Variants in PLCB4 observed in about 807,000 individuals in gnomAD.
The protein encoded by PLCB4 is phospholipase C beta 4.
PLCB4 carries 77 observed loss-of-function variants against 178.8 expected under a neutral mutation model. The observed-to-expected ratio is 0.43, with a 90% confidence interval of 0.36 to 0.52. The LOEUF (loss-of-function observed/expected upper bound fraction) is 0.52. Ranked by LOEUF, PLCB4 falls within the 20% of genes least tolerant of loss-of-function variation. PLCB4 has a pLI of 0.00. For synonymous variants in PLCB4, 496 were observed against 490.8 expected (o/e 1.01, Z -0.14); for missense variants, 1,024 against 1,453.4 (o/e 0.70, Z 4.80).
chr20:9,419,999 G>A, intron 26 of PLCB4, 90 bp downstream of exon 26: 2 of 818,478 alleles, frequency 2.4e-6, no homozygotes, highest in Non-Finnish European at 4.1e-6. Context: ...TAAATTGCAA[G>A]ATCCATGTGC....
At chr20:9,444,459 A>G (rs1308308087) in intron 32 of PLCB4, among the ~76,000 whole-genome samples, 5 of 152,206 alleles carry the variant, frequency 3.3e-5, no homozygotes, top group African/African-American at 1.2e-4. Flanking sequence ...ACAAAGCTTC[A>G]TCCATTTAAA....
At chr20:9,231,543 A>G (rs1196667040) in intron 3 of PLCB4, among the ~76,000 whole-genome samples, 1 of 152,126 alleles carries the variant, frequency 6.6e-6, no homozygotes, top group Non-Finnish European at 1.5e-5. Context: ...ATAAAACATG[A>G]TGTATATAGC....
chr20:9,173,146 G>T (rs2093092302), intron 2 of PLCB4, among the ~76,000 whole-genome samples: 1 of 152,192 alleles, frequency 6.6e-6, no homozygotes, highest in Admixed American at 6.5e-5. Context: ...GTGGTCTGTG[G>T]TCTGGGGTGT....
intron 1 of PLCB4, among the ~76,000 whole-genome samples, chr20:9,095,509 A>G (rs1838991325): frequency 6.6e-6 from 1 of 152,218 alleles, no homozygotes; most frequent in Non-Finnish European, 1.5e-5. Context: ...AACAGTTTAT[A>G]GTAGTGGATG....
chr20:9,417,912 A>G (rs556110887), intron 25 of PLCB4, among the ~76,000 whole-genome samples: 10 of 152,208 alleles, frequency 6.6e-5, no homozygotes, highest in Admixed American at 4.6e-4. Flanking sequence ...ATACATAGTG[A>G]TATCTCATTG....
intron 7 of PLCB4, among the ~76,000 whole-genome samples, chr20:9,348,729 T>A (rs1209839947): frequency 6.6e-6 from 1 of 152,118 alleles, no homozygotes; most frequent in East Asian, 1.9e-4. Context: ...CTGGACTTAC[T>A]TAAAAGCTCC....
intron 3 of PLCB4, among the ~76,000 whole-genome samples, chr20:9,229,390 C>G (rs939297278): frequency 2.6e-5 from 4 of 152,046 alleles, no homozygotes; most frequent in African/African-American, 9.7e-5. Flanking sequence ...ATTCTGCAAA[C>G]AAAGGAAGGA....
chr20:9,103,026 CTTTT>C (rs11484220), intron 2 of PLCB4, among the ~76,000 whole-genome samples: 2 of 139,232 alleles, frequency 1.4e-5, no homozygotes, highest in African/African-American at 2.6e-5. Flanking sequence ...TGCCATTGTA[CTTTT>C]TTTTTTTTTT....
In PLCB4 at chr20:9,379,217, A is replaced by G. The variant is rs150116781; in HGVS notation, c.745-837A>G. ...TGCCAACACACATACACACACAAAC[A>G]CACACTATTGGAGCTGAGTAAGTTA... On this transcript the variant is annotated intron_variant, in intron 12 of 39. Coordinates refer to ENST00000378473, the MANE Select transcript of PLCB4 (RefSeq NM_001377142.1). Among the ~76,000 whole-genome samples the G allele has an allele frequency of 8.9e-4, 136 of 152,268 alleles. 1 individual carries two copies. The highest frequency in any genetic ancestry group is 2.8e-3 in the African/African-American group (115 of 41,542).
At chr20:9,273,783 A>T (rs561273450) in intron 3 of PLCB4, among the ~76,000 whole-genome samples, 1 of 151,394 alleles carries the variant, frequency 6.6e-6, no homozygotes, top group East Asian at 2.0e-4. Context: ...AAGCCATGTT[A>T]TTACTAAATG....
chr20:9,320,364 C>G (rs1010117251), intron 4 of PLCB4, among the ~76,000 whole-genome samples: 1 of 152,186 alleles, frequency 6.6e-6, no homozygotes, highest in Non-Finnish European at 1.5e-5. Flanking sequence ...ATATAATGAG[C>G]AGTGAAGACA....
At chr20:9,335,269 A>G (rs898328019) in intron 4 of PLCB4, among the ~76,000 whole-genome samples, 4 of 152,136 alleles carry the variant, frequency 2.6e-5, no homozygotes, top group African/African-American at 9.7e-5. Context: ...GTAATAGCTA[A>G]TGCTTTTCAG....
At chr20:9,213,308 C>A (rs2093693615) in intron 2 of PLCB4, among the ~76,000 whole-genome samples, 1 of 144,656 alleles carries the variant, frequency 6.9e-6, no homozygotes, top group African/African-American at 2.9e-5. Context: ...CCACACCCAG[C>A]TAATTTTTGT....
Position 9,106,056 on chromosome 20 carries a change from C to T in PLCB4, c.-79+9714C>T, listed in dbSNP as rs1019428571. Among the ~76,000 whole-genome samples, 4 of 151,876 alleles carry T rather than the reference C, an allele frequency of 2.6e-5. No homozygotes were observed. In the East Asian group the frequency reaches 5.8e-4, roughly 22 times the overall value. On this transcript the variant is annotated intron_variant, in intron 2 of 39. Coordinates refer to ENST00000378473, the MANE Select transcript of PLCB4 (RefSeq NM_001377142.1). ...GGAAAACATTTACAAACAATATGAT[C>T]AACAAAGGCTGATATTTCCAAAGTA...
At chr20:9,373,415 A>T (rs1296534496) in intron 12 of PLCB4, among the ~76,000 whole-genome samples, 7 of 152,216 alleles carry the variant, frequency 4.6e-5, no homozygotes, top group Admixed American at 4.6e-4. Flanking sequence ...GCAAGATGAT[A>T]TTTAAGGTAC....
intron 29 of PLCB4, among the ~76,000 whole-genome samples, chr20:9,436,768 C>T (rs1160138200): frequency 6.6e-6 from 1 of 152,198 alleles, no homozygotes; most frequent in Non-Finnish European, 1.5e-5. Context: ...CTTTACCAGA[C>T]TCCTCAGTTT....
intron 12 of PLCB4, among the ~76,000 whole-genome samples, chr20:9,376,083 A>G (rs928823252): frequency 3.3e-5 from 5 of 152,002 alleles, no homozygotes; most frequent in African/African-American, 1.2e-4. Flanking sequence ...CCTCCTCCCT[A>G]TCCATGCAAT....
At chr20:9,105,412 T>C (rs1223434972) in intron 2 of PLCB4, among the ~76,000 whole-genome samples, 2 of 152,074 alleles carry the variant, frequency 1.3e-5, no homozygotes, top group African/African-American at 4.8e-5. Flanking sequence ...AAATATCAGA[T>C]TTGTTCATTT....
chr20:9,073,232 AG>A (rs1321034811), intron 1 of PLCB4, among the ~76,000 whole-genome samples: 2 of 152,216 alleles, frequency 1.3e-5, no homozygotes, highest in Non-Finnish European at 2.9e-5. Flanking sequence ...AGCAACTTGA[AG>A]TAATTAATTG....
Sources: gnomAD v4.1 joint callset for allele counts (sites outside exome capture counted in the v4.1 genomes callset) on GRCh38, gnomAD v4.1.1 for gene constraint, MANE v1.5 for transcripts, NCBI Gene and HGNC (gene_info 2026-07-23, HGNC 2026-07-21) for gene names.